BCAS3: variants seen among roughly 807,000 people sequenced by gnomAD.
BCAS3 encodes BCAS4/BCAS3 fusion.
BCAS3 carries 53 observed loss-of-function variants against 116.1 expected under a neutral mutation model. That is an observed-to-expected ratio of 0.46 (90% confidence interval 0.37 to 0.57). The LOEUF is 0.57. Ranked by LOEUF, BCAS3 falls within the 20% of genes least tolerant of loss-of-function variation. The pLI, the probability that BCAS3 is intolerant of heterozygous loss-of-function variation, is 0.00. For missense variants in BCAS3, 917 were observed against 1,165.4 expected (o/e 0.79, Z 3.10); for synonymous variants, 391 against 408.2 (o/e 0.96, Z 0.51).
rs1261242085 is a variant in BCAS3 at position 60,727,349 on chromosome 17, C to T, written c.321+18024C>T. On this transcript the variant is annotated intron_variant, in intron 5 of 23. Coordinates refer to ENST00000407086, the MANE Select transcript of BCAS3 (RefSeq NM_017679.5). ...TGGCCTTCTCTGCCCACCATAGCCA[C>T]TCTGCTTCCGATCATAGCGCCTCTT... The T allele has an allele frequency of 1.7e-5, 26 of 1,495,924 alleles. 1 individual carries two copies. Among genetic ancestry groups the T allele is most frequent in the Middle Eastern group, 1.7e-4 (1 of 5,774 alleles). The allele number at this position is 1,495,924 out of a possible 1,614,324, so 92.7% of individuals were successfully genotyped here. A position where few individuals can be genotyped will look rare whatever the true frequency, so the allele number is the denominator to read the frequency against.
Position 60,739,097 on chromosome 17 carries a change from A to G in BCAS3, c.322-8101A>G, listed in dbSNP as rs147502403. Reference sequence around the variant, plus strand: ...ATACATTTATAACCAATGCATGCCCACTTTCAAATAACACTATACTGCTTC... The same window carrying G: ...ATACATTTATAACCAATGCATGCCCGCTTTCAAATAACACTATACTGCTTC... On this transcript the variant is annotated intron_variant, in intron 5 of 23. Coordinates refer to ENST00000407086, the MANE Select transcript of BCAS3 (RefSeq NM_017679.5). Among the ~76,000 whole-genome samples the G allele has an allele frequency of 4.3e-4, 65 of 152,268 alleles. No individual in the cohort carries two copies. The East Asian group carries it at 5.2e-3, about 12-fold the overall frequency.
intron 22 of BCAS3, among the ~76,000 whole-genome samples, chr17:61,350,634 CT>C (rs35195040): frequency 0.26 from 36,213 of 140,182 alleles, 5,410 homozygotes; most frequent in East Asian, 0.7. Context: ...ATTATTCAGT[CT>C]TTTTTTTTTT....
chr17:60,856,416 T>C (rs9908924), intron 7 of BCAS3, among the ~76,000 whole-genome samples: 33,311 of 152,040 alleles, frequency 0.22, 4,721 homozygotes, highest in African/African-American at 0.41. Context: ...AGGCTGGGTG[T>C]GGTGGCTCAT....
At chr17:60,861,123 G>T (rs1327054539) in intron 7 of BCAS3, among the ~76,000 whole-genome samples, 1 of 152,106 alleles carries the variant, frequency 6.6e-6, no homozygotes, top group East Asian at 1.9e-4. Flanking sequence ...CTATCCATGA[G>T]CATGGAATGT....
Position 61,332,990 on chromosome 17 carries a change from T to C in BCAS3, c.2426-35337T>C, listed in dbSNP as rs1280198380. On this transcript the variant is annotated intron_variant, in intron 22 of 23. Coordinates refer to ENST00000407086, the MANE Select transcript of BCAS3 (RefSeq NM_017679.5). This position sits in a 1 kb window ranked among gnomAD's most constrained non-coding sequence, Gnocchi z 5.4. ...CAAGTCTAGGGCAGAGCGGGGACTA[T>C]ATTCTGGCTTCCTGACTCTGAGTTC... is the stretch of plus-strand genomic sequence containing the variant. 2.0e-5 allele frequency among the ~76,000 whole-genome samples: 3 copies of C among 152,240 alleles called. No individual in the cohort carries two copies. Among genetic ancestry groups the C allele is most frequent in the Non-Finnish European group, 4.4e-5 (3 of 68,038 alleles).
intron 14 of BCAS3, among the ~76,000 whole-genome samples, chr17:60,951,635 C>A (rs934374499): frequency 3.9e-5 from 6 of 152,044 alleles, no homozygotes; most frequent in Admixed American, 2.0e-4. Flanking sequence ...TTTTACTTAA[C>A]CTTACTAATT....
chr17:61,070,285 C>T (rs375863203), intron 19 of BCAS3: 289 of 1,406,540 alleles, frequency 2.1e-4, no homozygotes, highest in African/African-American at 6.4e-4. Context: ...GGCATATGTT[C>T]GACTGGCTCC....
chr17:61,284,775 A>G (rs1269095885), intron 22 of BCAS3, among the ~76,000 whole-genome samples: 1 of 152,136 alleles, frequency 6.6e-6, no homozygotes, highest in Non-Finnish European at 1.5e-5. Context: ...AAGGTAGAGA[A>G]GGAATCCTCA....
intron 5 of BCAS3, among the ~76,000 whole-genome samples, chr17:60,727,771 G>C (rs991974880): frequency 2.0e-5 from 3 of 150,636 alleles, no homozygotes; most frequent in Non-Finnish European, 2.9e-5. Context: ...ACAGTCCATA[G>C]CTTACAGTAG....
In BCAS3 at chr17:60,874,620, T is replaced by C. The variant is rs114101440; in HGVS notation, c.585-42T>C. On this transcript the variant is annotated intron_variant, in intron 8 of 23. Transcript: ENST00000407086. ...TGATTCCACTTACAGAATTTCACAT[T>C]CACTTTTTTTCTTTCTGTTTTTTTT... 1,465 of 1,401,802 alleles carry C rather than the reference T, an allele frequency of 1.0e-3. 14 individuals carry two copies. The African/African-American group carries it at 0.019, about 18-fold the overall frequency. 86.8% of individuals were successfully genotyped at this position (1,401,802 alleles called of 1,614,324 possible). A position where few individuals can be genotyped will look rare whatever the true frequency, so the allele number is the denominator to read the frequency against.
At chr17:60,869,255 T>G (rs1478489255) in intron 8 of BCAS3, among the ~76,000 whole-genome samples, 1 of 152,218 alleles carries the variant, frequency 6.6e-6, no homozygotes, top group Non-Finnish European at 1.5e-5. Flanking sequence ...CTACTGCTAA[T>G]GACAAATTAA....
intron 4 of BCAS3, among the ~76,000 whole-genome samples, chr17:60,699,023 A>G (rs945204260): frequency 2.0e-5 from 3 of 152,144 alleles, no homozygotes; most frequent in African/African-American, 4.8e-5. Flanking sequence ...GCATCACTAC[A>G]CTCTAACCTT....
intron 22 of BCAS3, among the ~76,000 whole-genome samples, chr17:61,085,522 A>T (rs1475140800): frequency 6.6e-6 from 1 of 152,196 alleles, no homozygotes; most frequent in African/African-American, 2.4e-5. Flanking sequence ...TATATTTTTA[A>T]GTTTCAAAGC....
intron 19 of BCAS3, among the ~76,000 whole-genome samples, chr17:61,067,271 GTGTATATATATATATATATA>G (rs1348172111): frequency 6.3e-4 from 35 of 55,128 alleles, no homozygotes; most frequent in African/African-American, 2.5e-3. Flanking sequence ...ATGTGTGTAT[GTGTATATATATATATATATA>G]TATATATATA....
intron 23 of BCAS3, among the ~76,000 whole-genome samples, chr17:61,385,954 G>T (rs1409796720): frequency 6.6e-6 from 1 of 152,060 alleles, no homozygotes; most frequent in Non-Finnish European, 1.5e-5. Context: ...AGCTGGTGAG[G>T]GCCTGGATGG....
rs2037918497 is a variant in BCAS3, at chr17:60,711,455, T to C, written c.321+2130T>C. On this transcript the variant is annotated intron_variant, in intron 5 of 23. Coordinates refer to ENST00000407086, the MANE Select transcript of BCAS3 (RefSeq NM_017679.5). ...CTACATTTTGCTTCATTATGCTGTT[T>C]GTTGACAGTACTGAAGACAGAGGAA... Among the ~76,000 whole-genome samples, 4 of 148,348 alleles carry C rather than the reference T, an allele frequency of 2.7e-5. No individual in the cohort carries two copies. The South Asian group carries it at 8.3e-4, about 31-fold the overall frequency.
In BCAS3 at chr17:60,777,102, C is replaced by T. The variant is rs142176872; in HGVS notation, c.403+29823C>T. ...TATATATGTGTATATATATATTTCA[C>T]TGACGAAATGGCTAAAATCAGCAAG... On this transcript the variant is annotated intron_variant, in intron 6 of 23. Coordinates refer to ENST00000407086, the MANE Select transcript of BCAS3 (RefSeq NM_017679.5). 2.0e-5 allele frequency among the ~76,000 whole-genome samples: 3 copies of T among 151,736 alleles called. No individual in the cohort carries two copies. The East Asian group carries it at 5.8e-4, about 29-fold the overall frequency.
rs186779560 is a variant in BCAS3, at chr17:61,142,352, A to G, written c.2425+57788A>G. On this transcript the variant is annotated intron_variant, in intron 22 of 23. Coordinates refer to ENST00000407086, the MANE Select transcript of BCAS3 (RefSeq NM_017679.5). ...TCTTGATGCTAGATGATGTGGCCCC[A>G]GTTTTGGTAATGGAGGAATACTGAT... Among the ~76,000 whole-genome samples the G allele has an allele frequency of 1.8e-3, 272 of 152,306 alleles. 4 individuals carry two copies. The highest frequency in any genetic ancestry group is 6.2e-3 in the African/African-American group (256 of 41,566).
rs544749791 is a variant in BCAS3 at position 61,220,118 on chromosome 17, A to G, written c.2425+135554A>G. 2.0e-5 allele frequency among the ~76,000 whole-genome samples: 3 copies of G among 152,060 alleles called. No homozygotes were observed. The highest frequency in any genetic ancestry group is 4.2e-4 in the South Asian group (2 of 4,816). On this transcript the variant is annotated intron_variant, in intron 22 of 23. Transcript: ENST00000407086. This position sits in a 1 kb window ranked among gnomAD's most constrained non-coding sequence, Gnocchi z 4.5. ...AGACCAGCCTGGCCAATACAGTGAA[A>G]TCACGTCTCTACTAATAATACAAAA... is the stretch of plus-strand genomic sequence containing the variant.
Sources: gnomAD v4.1 joint callset for allele counts (sites outside exome capture counted in the v4.1 genomes callset) on GRCh38, gnomAD v4.1.1 for gene constraint, Gnocchi (gnomAD v3.1) non-coding constraint, MANE v1.5 for transcripts, NCBI Gene and HGNC (gene_info 2026-07-23, HGNC 2026-07-21) for gene names.